The following RALGPS2 variants were observed in gnomAD, a reference collection of about 807,000 sequenced individuals.
The protein encoded by RALGPS2 is Ral GEF with PH domain and SH3 binding motif 2, also known as ras-specific guanine nucleotide-releasing factor RalGPS2.
In RALGPS2, 43 loss-of-function variants were observed where a neutral mutation model predicts 86.8. The ratio of observed to expected loss-of-function variants is 0.50; its 90% CI spans 0.39 to 0.64. The LOEUF (loss-of-function observed/expected upper bound fraction) is 0.64, where lower values mean the gene tolerates loss of function less well. Among genes scored for constraint, RALGPS2 ranks in the 30% least tolerant of loss-of-function variants. The probability of loss-of-function intolerance (pLI) is 0.00; values close to 1 mark genes in which losing one functional copy is unlikely to be tolerated. For missense variants in RALGPS2, 536 were observed against 694.6 expected, an observed-to-expected ratio of 0.77 and a Z score of 2.57; for synonymous variants, 243 against 231.3, an observed-to-expected ratio of 1.05 and a Z score of -0.46.
chr1:178,810,933 A>T (rs1439248268), intron 5 of RALGPS2, among the ~76,000 whole-genome samples: 1 of 152,120 alleles, frequency 6.6e-6, no homozygotes, highest in African/African-American at 2.4e-5. Context: ...GTAGAGCATT[A>T]TCATATTATA....
At chr1:178,726,908 G>A (rs1650048942) in intron 1 of RALGPS2, among the ~76,000 whole-genome samples, 1 of 152,180 alleles carries the variant, frequency 6.6e-6, no homozygotes, top group Non-Finnish European at 1.5e-5. Flanking sequence ...TAGAACAAGT[G>A]CTATAGAATC....
At chr1:178,802,399 G>A (rs1036242258) in intron 4 of RALGPS2, among the ~76,000 whole-genome samples, 2 of 152,018 alleles carry the variant, frequency 1.3e-5, no homozygotes, top group Admixed American at 1.3e-4. Context: ...TGCTTCTTAG[G>A]AGCACTTCCA....
At position 178,865,827 on chromosome 1, in the gene RALGPS2, G is replaced by A. The variant is rs1186857877; in HGVS notation, c.608-11671G>A. On this transcript the variant is annotated intron_variant, in intron 8 of 19. Coordinates refer to ENST00000367635, the MANE Select transcript of RALGPS2 (RefSeq NM_152663.5). ...TCTTTTGAAAAACAAATCAGTGAAG[G>A]AGAAAAAGCAAAAAGAATTCATATT... 10 of 1,381,060 alleles carry A rather than the reference G, an allele frequency of 7.2e-6. No individual in the cohort carries two copies. In the Admixed American group the frequency reaches 1.4e-4, roughly 19 times the overall value. The allele number at this position is 1,381,060 out of a possible 1,614,324, so 85.6% of individuals were successfully genotyped here.
At position 178,816,243 on chromosome 1, in the gene RALGPS2, G is replaced by T. The variant is rs145677483; in HGVS notation, c.387+4839G>T. On this transcript the variant is annotated intron_variant, in intron 6 of 19. Transcript: ENST00000367635. ...ACTCCACACATCTTGCCAGTACTTG[G>T]TGTTTAATTTTTTTTTTTAATCTGG... Among the ~76,000 whole-genome samples, 558 of 152,036 alleles carry T rather than the reference G, an allele frequency of 3.7e-3. 5 individuals carry two copies. The highest frequency in any genetic ancestry group is 0.012 in the African/African-American group (505 of 41,472).
chr1:178,841,154 G>T (rs1381060321), intron 8 of RALGPS2, among the ~76,000 whole-genome samples: 1 of 152,024 alleles, frequency 6.6e-6, no homozygotes, highest in African/African-American at 2.4e-5. Context: ...ATTTTATGAG[G>T]CCAGCATCAT....
chr1:178,852,599 CTT>C, intron 8 of RALGPS2: 1 of 1,439,162 alleles, frequency 6.9e-7, no homozygotes, highest in African/African-American at 1.4e-5. Flanking sequence ...TTTGAAAAGA[CTT>C]TAGTAGCATA....
At position 178,780,778 on chromosome 1, in the gene RALGPS2, C is replaced by G. The variant is rs368384331; in HGVS notation, c.58-3640C>G. Reference sequence around the variant, plus strand: ...TCACTGCACACACAAAAAGTTTTGTCTTTCAAACATATTTCAAATGCTATG... The same window carrying G: ...TCACTGCACACACAAAAAGTTTTGTGTTTCAAACATATTTCAAATGCTATG... On this transcript the variant is annotated intron_variant, in intron 2 of 19. Coordinates refer to ENST00000367635, the MANE Select transcript of RALGPS2 (RefSeq NM_152663.5). Among the ~76,000 whole-genome samples the G allele has an allele frequency of 3.9e-5, 6 of 152,228 alleles. No homozygotes were observed. In the East Asian group the frequency reaches 9.6e-4, roughly 24 times the overall value.
chr1:178,735,318 A>G (rs1017724797), intron 1 of RALGPS2, among the ~76,000 whole-genome samples: 1 of 152,142 alleles, frequency 6.6e-6, no homozygotes, highest in Non-Finnish European at 1.5e-5. Flanking sequence ...AAACTCATGT[A>G]TGGTGATAGA....
intron 16 of RALGPS2, among the ~76,000 whole-genome samples, chr1:178,896,473 T>A (rs1659942520): frequency 6.6e-6 from 1 of 151,490 alleles, no homozygotes; most frequent in South Asian, 2.1e-4. Flanking sequence ...TTTTCTTTTT[T>A]TTTTTTTATT....
chr1:178,827,441 C>A (rs1449969756), intron 7 of RALGPS2, among the ~76,000 whole-genome samples: 1 of 143,224 alleles, frequency 7.0e-6, no homozygotes, highest in African/African-American at 2.7e-5. Context: ...GTCGCCCAGG[C>A]TGGAGTGCAG....
Position 178,892,310 on chromosome 1 carries a change from ACAATT to A in RALGPS2, c.1325+5_1325+9del. The A allele has an allele frequency of 6.2e-7, 1 of 1,611,948 alleles. No homozygotes were observed. The highest frequency in any genetic ancestry group is 1.7e-5 in the Admixed American group (1 of 59,852). ...CGAAGTCACATGAAGGCCAGCAGGTACAATTCCCCTGCATTCAGGGGTCACAGAAC... is the reference window on the plus strand; with the variant it reads ...CGAAGTCACATGAAGGCCAGCAGGTACCCCTGCATTCAGGGGTCACAGAAC... On this transcript the variant is annotated splice_donor_5th_base_variant and intron_variant, in intron 15 of 19. Coordinates refer to ENST00000367635, the MANE Select transcript of RALGPS2 (RefSeq NM_152663.5).
chr1:178,728,606 T>C (rs1435821187), intron 1 of RALGPS2, among the ~76,000 whole-genome samples: 1 of 152,130 alleles, frequency 6.6e-6, no homozygotes, highest in African/African-American at 2.4e-5. Flanking sequence ...TGAAAGATAA[T>C]TCAAATAGCT....
chr1:178,753,700 G>C (rs961675899), intron 1 of RALGPS2: 1 of 152,166 alleles, frequency 6.6e-6, no homozygotes, highest in African/African-American at 2.4e-5. Context: ...TCGAGTTAGA[G>C]ATACTTATGT....
chr1:178,897,653 G>C lies in RALGPS2; in HGVS notation c.1432-11G>C. 2 of 1,599,296 alleles carry C rather than the reference G, an allele frequency of 1.3e-6. No individual in the cohort carries two copies. Among genetic ancestry groups the C allele is most frequent in the Non-Finnish European group, 1.7e-6 (2 of 1,167,074 alleles). Reference sequence around the variant, plus strand: ...ATTGTAATAGTATATTCCTGTGTTTGTCCTATCCAGGTAGCATCTTGGACA... The same window carrying C: ...ATTGTAATAGTATATTCCTGTGTTTCTCCTATCCAGGTAGCATCTTGGACA... On this transcript the variant is annotated splice_polypyrimidine_tract_variant and intron_variant, in intron 16 of 19. Transcript: ENST00000367635.
At chr1:178,837,594 C>T (rs1484298537) in intron 8 of RALGPS2, among the ~76,000 whole-genome samples, 1 of 152,208 alleles carries the variant, frequency 6.6e-6, no homozygotes, top group Non-Finnish European at 1.5e-5. Context: ...CAGTCTACAG[C>T]TCCCAGCATG....
At chr1:178,781,503 G>A (rs1653393634) in intron 2 of RALGPS2, among the ~76,000 whole-genome samples, 3 of 152,134 alleles carry the variant, frequency 2.0e-5, no homozygotes, top group African/African-American at 4.8e-5. Context: ...TTCTCCTGGT[G>A]AACATTATTG....
intron 17 of RALGPS2, among the ~76,000 whole-genome samples, chr1:178,899,183 G>A (rs1367615015): frequency 2.0e-5 from 3 of 151,772 alleles, no homozygotes; most frequent in African/African-American, 7.2e-5. Context: ...GTTAAATATT[G>A]TTTTGTGCTT....
intron 1 of RALGPS2, among the ~76,000 whole-genome samples, chr1:178,773,424 T>G (rs1652904112): frequency 6.6e-6 from 1 of 152,188 alleles, no homozygotes; most frequent in African/African-American, 2.4e-5. Flanking sequence ...AATAAAATAT[T>G]AAAGCATATA....
intron 1 of RALGPS2, among the ~76,000 whole-genome samples, chr1:178,736,903 AC>A (rs1650744426): frequency 6.6e-6 from 1 of 152,190 alleles, no homozygotes; most frequent in African/African-American, 2.4e-5. Context: ...GTCTTAAAAA[AC>A]AAAAAGCATA....
Sources: gnomAD v4.1 joint callset for allele counts (sites outside exome capture counted in the v4.1 genomes callset) on GRCh38, gnomAD v4.1.1 for gene constraint, MANE v1.5 for transcripts, NCBI Gene and HGNC (gene_info 2026-07-23, HGNC 2026-07-21) for gene names.